ATP8A2: variants seen among roughly 807,000 people sequenced by gnomAD.
ATP8A2 encodes the protein ATPase phospholipid transporting 8A2, also known as phospholipid-transporting ATPase IB.
ATP8A2 carries 100 observed loss-of-function variants against 165.6 expected under a neutral mutation model. The observed-to-expected ratio is 0.60, with a 90% CI of 0.51 to 0.71. The LOEUF (loss-of-function observed/expected upper bound fraction) is 0.71. Ranked by LOEUF, ATP8A2 falls within the 30% of genes least tolerant of loss-of-function variation. ATP8A2 has a pLI of 0.00. For missense variants in ATP8A2, 1,227 were observed against 1,479.5 expected (o/e 0.83, Z 2.80); for synonymous variants, 543 against 548.8 (o/e 0.99, Z 0.15).
chr13:25,375,632 G>T (rs2032594582), intron 1 of ATP8A2, among the ~76,000 whole-genome samples: 2 of 151,784 alleles, frequency 1.3e-5, no homozygotes, highest in African/African-American at 4.8e-5. Context: ...GAGTGCAGTG[G>T]TGTGATCTCG....
chr13:25,513,463 C>T (rs1235900865), intron 2 of ATP8A2, among the ~76,000 whole-genome samples: 2 of 151,698 alleles, frequency 1.3e-5, no homozygotes, highest in African/African-American at 4.8e-5. Flanking sequence ...AGGCGCTCCT[C>T]ACTTCTCAGA....
intron 33 of ATP8A2, among the ~76,000 whole-genome samples, chr13:25,907,003 G>A (rs1953956827): frequency 6.6e-6 from 1 of 152,248 alleles, no homozygotes; most frequent in South Asian, 2.1e-4. Flanking sequence ...GCTGAAGCGG[G>A]CGGATCACTT....
intron 23 of ATP8A2, among the ~76,000 whole-genome samples, chr13:25,584,745 T>G (rs1335528611): frequency 1.3e-5 from 2 of 152,216 alleles, no homozygotes; most frequent in Non-Finnish European, 2.9e-5. Flanking sequence ...AAATGCTTTC[T>G]GAAATTTGAT....
intron 1 of ATP8A2, among the ~76,000 whole-genome samples, chr13:25,450,566 C>G (rs900478265): frequency 6.6e-6 from 1 of 152,152 alleles, no homozygotes; most frequent in Non-Finnish European, 1.5e-5. Flanking sequence ...GAGTCTCGCT[C>G]TGTCGCCCAG....
intron 2 of ATP8A2, among the ~76,000 whole-genome samples, chr13:25,492,604 G>A (rs372896023): frequency 3.9e-5 from 6 of 152,084 alleles, no homozygotes; most frequent in Non-Finnish European, 5.9e-5. Flanking sequence ...CTCCCACCCC[G>A]TGTAGTTGTG....
intron 18 of ATP8A2, 133 bp downstream of exon 18, chr13:25,571,825 G>A (rs759173486): frequency 3.7e-6 from 3 of 811,304 alleles, no homozygotes; most frequent in Non-Finnish European, 6.5e-6. Context: ...TGACAAACTG[G>A]AGTTAATGTG....
intron 25 of ATP8A2, 96 bp downstream of exon 25, chr13:25,699,441 A>G: frequency 9.8e-6 from 10 of 1,017,720 alleles, no homozygotes; most frequent in Non-Finnish European, 1.2e-5. Flanking sequence ...CTAGGTTTAA[A>G]GTTTTGTATC....
intron 16 of ATP8A2, chr13:25,567,418 T>C (rs2039347043): frequency 2.2e-6 from 1 of 456,528 alleles, no homozygotes; most frequent in Non-Finnish European, 4.4e-6. Flanking sequence ...ATCTTTCTTC[T>C]TCTTTCCTTT....
chr13:25,700,501 G>A (rs1190334761), intron 25 of ATP8A2, among the ~76,000 whole-genome samples: 1 of 152,086 alleles, frequency 6.6e-6, no homozygotes, highest in Non-Finnish European at 1.5e-5. Flanking sequence ...TTCTTTTTCT[G>A]ACTTCTCTCC....
Position 25,534,142 on chromosome 13 carries a change from C to G in ATP8A2, c.507+829C>G, listed in dbSNP as rs747370328. 10 of 528,716 alleles carry G rather than the reference C, an allele frequency of 1.9e-5. 1 individual carries two copies. The highest frequency in any genetic ancestry group is 1.4e-4 in the South Asian group (10 of 70,756). 32.8% of individuals were successfully genotyped at this position (528,716 alleles called of 1,614,324 possible). On this transcript the variant is annotated intron_variant, in intron 6 of 36. Transcript: ENST00000381655. ...AATGCCCGTGATATGGTAACTGCAGCATTTGCTTTAGTTTTCGTTTTACTT... is the reference window on the plus strand; with the variant it reads ...AATGCCCGTGATATGGTAACTGCAGGATTTGCTTTAGTTTTCGTTTTACTT...
intron 25 of ATP8A2, among the ~76,000 whole-genome samples, chr13:25,767,493 G>A (rs1380749128): frequency 3.9e-5 from 6 of 152,214 alleles, no homozygotes; most frequent in African/African-American, 1.4e-4. Flanking sequence ...CAGCAACAGA[G>A]CTTTGGGAGG....
Position 25,772,040 on chromosome 13 carries a change from T to C in ATP8A2, c.2569-2809T>C, listed in dbSNP as rs566265077. ...GACTTACCTTGGGAAAGTTACGAAG[T>C]GGGCAAAGCTCTGGTTCTATTTCTT... is the stretch of plus-strand genomic sequence containing the variant. On this transcript the variant is annotated intron_variant, in intron 26 of 36. Coordinates refer to ENST00000381655, the MANE Select transcript of ATP8A2 (RefSeq NM_016529.6). Among the ~76,000 whole-genome samples the C allele has an allele frequency of 1.2e-3, 184 of 152,318 alleles. 1 individual carries two copies. The highest frequency in any genetic ancestry group is 4.2e-3 in the African/African-American group (175 of 41,558).
At chr13:25,480,052 T>C (rs2036117316) in intron 2 of ATP8A2, among the ~76,000 whole-genome samples, 1 of 151,264 alleles carries the variant, frequency 6.6e-6, no homozygotes, top group Admixed American at 6.6e-5. Context: ...GGCTCCTCAC[T>C]TCCCAGTAGG....
chr13:25,395,170 T>C (rs1236841912), intron 1 of ATP8A2, among the ~76,000 whole-genome samples: 1 of 152,164 alleles, frequency 6.6e-6, no homozygotes, highest in Non-Finnish European at 1.5e-5. Context: ...CCCTCGCTCC[T>C]GAACCTAGGA....
At chr13:25,617,127 A>G (rs1396886411) in intron 24 of ATP8A2, among the ~76,000 whole-genome samples, 1 of 152,224 alleles carries the variant, frequency 6.6e-6, no homozygotes, top group Non-Finnish European at 1.5e-5. Flanking sequence ...AATCTCCACA[A>G]GGAGAGTCAA....
intron 24 of ATP8A2, among the ~76,000 whole-genome samples, chr13:25,654,931 A>C (rs1158037193): frequency 1.3e-5 from 2 of 152,186 alleles, no homozygotes; most frequent in Non-Finnish European, 2.9e-5. Context: ...AGTCTCCAAA[A>C]TTGGTACTCA....
At chr13:25,954,796 T>G (rs2139162908) in intron 33 of ATP8A2, among the ~76,000 whole-genome samples, 1 of 152,274 alleles carries the variant, frequency 6.6e-6, no homozygotes, top group Admixed American at 6.5e-5. Flanking sequence ...GAAAGGAATT[T>G]CATCAACATC....
intron 24 of ATP8A2, among the ~76,000 whole-genome samples, chr13:25,674,704 C>T (rs1014335119): frequency 1.1e-4 from 17 of 152,102 alleles, no homozygotes; most frequent in Middle Eastern, 3.2e-3. Flanking sequence ...TTTCCCCACC[C>T]GGAGATCCTC....
chr13:25,518,280 G>A (rs1177975561), intron 2 of ATP8A2, among the ~76,000 whole-genome samples: 2 of 152,168 alleles, frequency 1.3e-5, no homozygotes, highest in Admixed American at 6.5e-5. Context: ...ATATCCTATC[G>A]GGAGCCTGCT....
Sources: allele counts gnomAD v4.1 joint callset (sites outside exome capture counted in the v4.1 genomes callset), GRCh38; gene constraint gnomAD v4.1.1; transcripts MANE v1.5; gene names NCBI Gene and HGNC (gene_info 2026-07-23, HGNC 2026-07-21).